The following CARHSP1 variants were observed in gnomAD, a reference collection of about 807,000 sequenced individuals.
The protein encoded by CARHSP1 is calcium-regulated heat-stable protein 1.
A neutral mutation model predicts 12.5 loss-of-function variants in CARHSP1; 14 were observed. That is an observed-to-expected ratio of 1.12 (90% CI 0.74 to 1.75). The LOEUF is 1.75. CARHSP1 is among the 40% of genes most tolerant of loss of function. CARHSP1 has a pLI of 0.00. For missense variants in CARHSP1, 343 were observed against 201.6 expected (o/e 1.70, Z -4.25); for synonymous variants, 161 against 82.0 (o/e 1.96, Z -5.20).
intron 3 of CARHSP1, 95 bp from the exon 4 acceptor site, chr16:8,855,421 A>C: frequency 8.5e-7 from 1 of 1,176,932 alleles, no homozygotes; most frequent in Non-Finnish European, 1.1e-6. Context: ...CAGCCACCAA[A>C]GCAGGCACCA....
Position 8,854,067 on chromosome 16 carries a change from G to T in CARHSP1, c.*1097C>A, listed in dbSNP as rs549077171. 6.6e-6 allele frequency: 1 copy of T among 152,098 alleles called. No individual in the cohort carries two copies. The highest frequency in any genetic ancestry group is 1.5e-5 in the Non-Finnish European group (1 of 68,044). The allele number at this position is 152,098 out of a possible 1,614,324, so 9.4% of individuals were successfully genotyped here. On this transcript the variant is annotated 3_prime_UTR_variant, in exon 4 of 4. Coordinates refer to ENST00000311052, the MANE Select transcript of CARHSP1 (RefSeq NM_014316.4). ...CCACTGCACTCCAGCCTGGGTGACAGAATGAGACTCAGTCTCCCACCCTGC... is the reference window on the plus strand; with the variant it reads ...CCACTGCACTCCAGCCTGGGTGACATAATGAGACTCAGTCTCCCACCCTGC...
chr16:8,863,880 C>G (rs1438987526), intron 1 of CARHSP1, among the ~76,000 whole-genome samples: 2 of 152,174 alleles, frequency 1.3e-5, no homozygotes, highest in African/African-American at 4.8e-5. Context: ...AGCAGCCCCG[C>G]CCACCAGCAC....
intron 1 of CARHSP1, chr16:8,868,604 C>T (rs1343594910): frequency 6.6e-6 from 1 of 151,580 alleles, no homozygotes; most frequent in Admixed American, 6.6e-5. Context: ...CCCCCCGCGC[C>T]TCGCCCCACC....
chr16:8,857,800 T>C (rs1354819021), intron 3 of CARHSP1: 2 of 146,076 alleles, frequency 1.4e-5, no homozygotes, highest in Non-Finnish European at 3.0e-5. Flanking sequence ...TTGCTCTTGT[T>C]GCCCAGGCTG....
intron 1 of CARHSP1, chr16:8,860,184 C>G: frequency 1.0e-6 from 1 of 985,474 alleles, no homozygotes; most frequent in South Asian, 4.7e-5. Context: ...CCCTGAGCAG[C>G]TGTCACAAGC....
intron 2 of CARHSP1, 70 bp from the exon 3 acceptor site, chr16:8,858,542 T>G: frequency 3.8e-6 from 6 of 1,570,184 alleles, no homozygotes; most frequent in Non-Finnish European, 4.3e-6. Flanking sequence ...TTCCAGCCCC[T>G]GCCCACAGCT....
rs145666545 is a variant in CARHSP1 at position 8,859,188 on chromosome 16, C to A, written c.141G>T (p.Arg47=). ...AGACTCACGCCGAGAAGGTCCTCGT[C>A]CGGCGAGTGGGCAGTGGGCTTGGGA... ...NVVPSPLPTR[R]TRTFSATVRA... The change falls in exon 2 of 4, where the codon CGG becomes CGT. Residue 47 remains arginine (R), a synonymous_variant. Transcript: ENST00000311052. 8.1e-3 allele frequency: 12,893 copies of A among 1,601,196 alleles called. 88 individuals are homozygous for A. The highest frequency in any genetic ancestry group is 0.01 in the Non-Finnish European group (11,969 of 1,173,766).
Position 8,853,538 on chromosome 16 carries a change from A to G in CARHSP1, c.*1626T>C, listed in dbSNP as rs577779329. On this transcript the variant is annotated 3_prime_UTR_variant, in exon 4 of 4. Coordinates refer to ENST00000311052, the MANE Select transcript of CARHSP1 (RefSeq NM_014316.4). ...TCCACCCCCTTAGGCTGAAAGGACA[A>G]ACTCATCAGAGTTGAGGAGTACCTA... The G allele has an allele frequency of 6.6e-6, 1 of 152,312 alleles. No homozygotes were observed. Among genetic ancestry groups the G allele is most frequent in the Non-Finnish European group, 1.5e-5 (1 of 68,034 alleles). The allele number at this position is 152,312 out of a possible 1,614,324, so 9.4% of individuals were successfully genotyped here. A position where few individuals can be genotyped will look rare whatever the true frequency, so the allele number is the denominator to read the frequency against.
At chr16:8,865,559 C>T (rs2061440981) in intron 1 of CARHSP1, among the ~76,000 whole-genome samples, 1 of 152,212 alleles carries the variant, frequency 6.6e-6, no homozygotes, top group East Asian at 1.9e-4. Context: ...CTTGAGCCTT[C>T]CATGGGATGC....
At chr16:8,858,775 A>C (rs1004346358) in intron 2 of CARHSP1, 6 of 443,056 alleles carry the variant, frequency 1.4e-5, no homozygotes, top group Non-Finnish European at 2.4e-5. Flanking sequence ...TATTAATAAC[A>C]CAAGCATCCT....
chr16:8,863,111 G>GTTTTTTTTTT (rs1567188997), intron 1 of CARHSP1, among the ~76,000 whole-genome samples: 1 of 90,924 alleles, frequency 1.1e-5, no homozygotes, highest in African/African-American at 4.2e-5. Context: ...CACAAGGATG[G>GTTTTTTTTTT]CTTTTTTTTT....
At chr16:8,858,824 A>G (rs2141095726) in intron 2 of CARHSP1, 1 of 406,980 alleles carries the variant, frequency 2.5e-6, no homozygotes, top group Non-Finnish European at 4.4e-6. Context: ...GCCAGGCATT[A>G]TGTGGGTCCT....
chr16:8,868,746 T>A (rs991373974), intron 1 of CARHSP1: 4 of 151,860 alleles, frequency 2.6e-5, no homozygotes, highest in Non-Finnish European at 5.9e-5. Context: ...CTAGAATCCT[T>A]GCCGCTGTTG....
rs537614451 is a variant in CARHSP1 at position 8,861,989 on chromosome 16, C to CTTTTTTTTTTTT, written c.-7-2666_-7-2655dup. ...TTCTCCTGGAGTCAAGCATAGCTGACTTTTTTTTTTTTTTTTTTTTTTTTT... is the reference window on the plus strand; with the variant it reads ...TTCTCCTGGAGTCAAGCATAGCTGACTTTTTTTTTTTTTTTTTTTTTTTTTTTTTTTTTTTTT... On this transcript the variant is annotated intron_variant, in intron 1 of 3. Coordinates refer to ENST00000311052, the MANE Select transcript of CARHSP1 (RefSeq NM_014316.4). Among the ~76,000 whole-genome samples the CTTTTTTTTTTTT allele has an allele frequency of 5.1e-3, 409 of 79,728 alleles. 38 individuals carry two copies. The highest frequency in any genetic ancestry group is 6.1e-3 in the African/African-American group (153 of 24,976). 52.3% of individuals were successfully genotyped at this position (79,728 alleles called of 152,430 possible).
At position 8,863,112 on chromosome 16, in the gene CARHSP1, CTTTTTTTTTT is replaced by C. The variant is rs71155412; in HGVS notation, c.-7-3787_-7-3778del. 6.7e-5 allele frequency among the ~76,000 whole-genome samples: 5 copies of C among 74,144 alleles called. 1 individual carries two copies. The highest frequency in any genetic ancestry group is 5.9e-4 in the South Asian group (1 of 1,696). The allele number at this position is 74,144 out of a possible 152,430, so 48.6% of individuals were successfully genotyped here. On this transcript the variant is annotated intron_variant, in intron 1 of 3. Coordinates refer to ENST00000311052, the MANE Select transcript of CARHSP1 (RefSeq NM_014316.4). ...GGTCCAGGAATGGCCACAAGGATGG[CTTTTTTTTTT>C]TTTTTTTTTTTTTTTCAGATAGGAT... is the stretch of plus-strand genomic sequence containing the variant.
At chr16:8,858,741 T>C (rs926859655) in intron 2 of CARHSP1, 1 of 484,558 alleles carries the variant, frequency 2.1e-6, no homozygotes, top group Non-Finnish European at 3.7e-6. Flanking sequence ...TCACTGAACA[T>C]CCCTCCAGAA....
intron 1 of CARHSP1, among the ~76,000 whole-genome samples, chr16:8,867,018 C>G (rs2061466348): frequency 6.6e-6 from 1 of 152,130 alleles, no homozygotes; most frequent in South Asian, 2.1e-4. Context: ...TGCCTGTGCC[C>G]CCATTAGCAC....
rs1567181158 is a variant in CARHSP1, at chr16:8,857,273, T to TTTGTTTTTTG, written c.281+1076_281+1077insCAAAAAACAA. 1.3e-3 allele frequency among the ~76,000 whole-genome samples: 60 copies of TTTGTTTTTTG among 45,518 alleles called. 3 individuals are homozygous for TTTGTTTTTTG. The highest frequency in any genetic ancestry group is 2.4e-3 in the Admixed American group (8 of 3,348). 29.9% of individuals were successfully genotyped at this position (45,518 alleles called of 152,430 possible). A position where few individuals can be genotyped will look rare whatever the true frequency, so the allele number is the denominator to read the frequency against. On this transcript the variant is annotated intron_variant, in intron 3 of 3. Coordinates refer to ENST00000311052, the MANE Select transcript of CARHSP1 (RefSeq NM_014316.4). ...ATCTTGGGCAGATCTGTTTTTTTTTTTTTTTTTTTTTTTTTTTTTTTTTTT... is the reference window on the plus strand; with the variant it reads ...ATCTTGGGCAGATCTGTTTTTTTTTTTTGTTTTTTGTTTTTTTTTTTTTTTTTTTTTTTTT...
rs756390920 is a variant in CARHSP1 at position 8,857,263 on chromosome 16, G to GTTTTTTTTTTTTTTTTTTTTTTTTTTT, written c.281+1060_281+1086dup. Among the ~76,000 whole-genome samples the GTTTTTTTTTTTTTTTTTTTTTTTTTTT allele has an allele frequency of 8.8e-5, 5 of 57,032 alleles. 1 individual carries two copies. Among genetic ancestry groups the GTTTTTTTTTTTTTTTTTTTTTTTTTTT allele is most frequent in the Non-Finnish European group, 1.5e-4 (4 of 26,894 alleles). 37.4% of individuals were successfully genotyped at this position (57,032 alleles called of 152,430 possible). On this transcript the variant is annotated intron_variant, in intron 3 of 3. Coordinates refer to ENST00000311052, the MANE Select transcript of CARHSP1 (RefSeq NM_014316.4). ...TGGCTATGTGATCTTGGGCAGATCT[G>GTTTTTTTTTTTTTTTTTTTTTTTTTTT]TTTTTTTTTTTTTTTTTTTTTTTTT...
Sources: allele counts gnomAD v4.1 joint callset (sites outside exome capture counted in the v4.1 genomes callset), GRCh38; gene constraint gnomAD v4.1.1; transcripts MANE v1.5; gene names NCBI Gene and HGNC (gene_info 2026-07-23, HGNC 2026-07-21).